Variants in THEM5 observed in about 807,000 individuals in gnomAD.
THEM5 encodes the protein thioesterase superfamily member 5.
In THEM5, 28 loss-of-function variants were observed where a neutral mutation model predicts 24.2. That is an observed-to-expected ratio of 1.16 (90% CI 0.86 to 1.59). THEM5 has a LOEUF of 1.59. Ranked by LOEUF, THEM5 falls within the 40% of genes most tolerant of loss-of-function variation. The pLI is 0.00. For missense variants in THEM5, 260 were observed against 296.8 expected, an observed-to-expected ratio of 0.88 and a Z score of 0.91; for synonymous variants, 87 against 114.5, an observed-to-expected ratio of 0.76 and a Z score of 1.53.
At chr1:151,849,079 G>C (rs1195911623) in intron 3 of THEM5, among the ~76,000 whole-genome samples, 1 of 152,058 alleles carries the variant, frequency 6.6e-6, no homozygotes, top group African/African-American at 2.4e-5. Context: ...AATTAGACGG[G>C]TGTGGTGGCA....
chr1:151,847,439 T>C (rs977159465), intron 5 of THEM5, 25 bp from the exon 6 acceptor site: 1 of 1,614,048 alleles, frequency 6.2e-7, no homozygotes, highest in Non-Finnish European at 8.5e-7. Flanking sequence ...TGAGTTGAGC[T>C]GCAAGAGCTG....
At chr1:151,851,741 C>T (rs1653133779) in intron 2 of THEM5, among the ~76,000 whole-genome samples, 1 of 152,134 alleles carries the variant, frequency 6.6e-6, no homozygotes, top group Non-Finnish European at 1.5e-5. Context: ...GTGAGAGAGA[C>T]AGGGAGATAC....
At position 151,847,108 on chromosome 1, in the gene THEM5, G is replaced by A. The variant is rs953104135; in HGVS notation, c.*263C>T. 4.2e-6 allele frequency: 3 copies of A among 713,984 alleles called. No homozygotes were observed. Among genetic ancestry groups the A allele is most frequent in the Non-Finnish European group, 7.8e-6 (3 of 384,240 alleles). The allele number at this position is 713,984 out of a possible 1,614,324, so 44.2% of individuals were successfully genotyped here. On this transcript the variant is annotated 3_prime_UTR_variant, in exon 6 of 6. Transcript: ENST00000368817. ...AAGGCCCTGGGCCGAGAATGGGACT[G>A]TGAGACTTTATTTACTCAGAGAAAA...
chr1:151,847,568 G>C (rs1339623623), intron 5 of THEM5, among the ~76,000 whole-genome samples, 154 bp from the exon 6 acceptor site: 1 of 152,066 alleles, frequency 6.6e-6, no homozygotes, highest in Non-Finnish European at 1.5e-5. Flanking sequence ...AAAAATCCTA[G>C]TTCTGCTCTC....
At chr1:151,850,714 A>G (rs1289814912) in intron 3 of THEM5, among the ~76,000 whole-genome samples, 1 of 152,214 alleles carries the variant, frequency 6.6e-6, no homozygotes, top group African/African-American at 2.4e-5. Context: ...AGAGTCCCAC[A>G]GCCAGCAGCA....
Position 151,847,777 on chromosome 1 carries a change from G to C in THEM5, c.661C>G (p.His221Asp). 1 of 1,613,916 alleles carries C rather than the reference G, an allele frequency of 6.2e-7. No individual in the cohort carries two copies. The highest frequency in any genetic ancestry group is 1.1e-5 in the South Asian group (1 of 91,060). Residue 221 changes from histidine (H) to aspartate (D), a missense_variant, in exon 5 of 6, where the codon CAC becomes GAC. By Grantham distance (81) the His-to-Asp change is moderately conservative (BLOSUM62 -1). Transcript: ENST00000368817. ...TAAACTGTCTGCTGGTCTCTGCTGT[G>C]GGCGATGCAGGACATGTAAAGCTTC... is the stretch of plus-strand genomic sequence containing the variant. ...DQKLYMSCIAHSRDQQTVYAK... is the reference protein window; with the variant it reads ...DQKLYMSCIADSRDQQTVYAK...
intron 4 of THEM5, 102 bp from the exon 5 acceptor site, chr1:151,847,964 G>A (rs1430084781): frequency 6.4e-7 from 1 of 1,560,478 alleles, no homozygotes; most frequent in Admixed American, 1.8e-5. Context: ...CCGGCCTCGA[G>A]GACTCAGAAG....
chr1:151,851,023 A>G (rs769293018), intron 3 of THEM5, 30 bp downstream of exon 3: 27 of 1,613,108 alleles, frequency 1.7e-5, no homozygotes, highest in Non-Finnish European at 2.2e-5. Context: ...CAAGCCCAGG[A>G]GGCAGCCAAG....
intron 3 of THEM5, among the ~76,000 whole-genome samples, chr1:151,850,747 A>G (rs1038225350): frequency 1.3e-5 from 2 of 152,170 alleles, no homozygotes; most frequent in Admixed American, 1.3e-4. Context: ...ACCAAGTCAG[A>G]GTCTAGATTC....
rs753923316 is a variant in THEM5 at position 151,851,176 on chromosome 1, C to A, written c.341G>T (p.Arg114Leu). The A allele has an allele frequency of 6.2e-7, 1 of 1,614,034 alleles. No individual in the cohort carries two copies. Among genetic ancestry groups the A allele is most frequent in the South Asian group, 1.1e-5 (1 of 91,086 alleles). ...CACTTGGATGCACCTGGTGAAGATG[C>A]GACAGTCACCTTTGTCTGGGGAGAG... ...LAVSSDKGDC[R>L]IFTRCIQVEG... Residue 114 changes from arginine (R) to leucine (L), a missense_variant, in exon 3 of 6, where the codon CGC (arginine) becomes CTC (leucine). Transcript: ENST00000368817.
chr1:151,850,169 T>G (rs1653068549), intron 3 of THEM5: 1 of 152,268 alleles, frequency 6.6e-6, no homozygotes, highest in Non-Finnish European at 1.5e-5. Context: ...TAACCCCAGT[T>G]AAGCCCCTCT....
chr1:151,848,135 T>A (rs759457246), intron 4 of THEM5, 47 bp downstream of exon 4: 23 of 1,589,094 alleles, frequency 1.4e-5, no homozygotes, highest in Non-Finnish European at 1.9e-5. Flanking sequence ...CTTCCAGGGA[T>A]GAAAAGGTCT....
At chr1:151,851,298 CAG>C in intron 2 of THEM5, 107 bp from the exon 3 acceptor site, 1 of 1,429,830 alleles carries the variant, frequency 7.0e-7, no homozygotes, top group Non-Finnish European at 9.7e-7. Flanking sequence ...GAGAGAAAAC[CAG>C]AGGACACCAG....
chr1:151,847,934 C>CT, intron 4 of THEM5, 72 bp from the exon 5 acceptor site: 1 of 1,599,320 alleles, frequency 6.3e-7, no homozygotes. Context: ...TCTGTGTCCT[C>CT]TTCCCTCTCT....
intron 5 of THEM5, 151 bp from the exon 6 acceptor site, chr1:151,847,565 C>G: frequency 7.2e-7 from 1 of 1,383,456 alleles, no homozygotes; most frequent in Non-Finnish European, 1.0e-6. Flanking sequence ...AAAAAAAATC[C>G]TAGTTCTGCT....
At chr1:151,847,666 T>C in intron 5 of THEM5, 72 bp downstream of exon 5, 1 of 1,587,750 alleles carries the variant, frequency 6.3e-7, no homozygotes, top group East Asian at 2.2e-5. Context: ...TGGCATCTTT[T>C]CTTCCTCCTG....
At chr1:151,851,003 C>A in intron 3 of THEM5, 50 bp downstream of exon 3, 1 of 1,609,428 alleles carries the variant, frequency 6.2e-7, no homozygotes. Context: ...CTGAACCTGC[C>A]CTGCTGAGCC....
chr1:151,849,737 T>G (rs1190900933), intron 3 of THEM5, among the ~76,000 whole-genome samples: 1 of 152,204 alleles, frequency 6.6e-6, no homozygotes, highest in African/African-American at 2.4e-5. Context: ...TCTCTCCTCC[T>G]TGTCCTCACT....
chr1:151,852,494 C>T, intron 1 of THEM5, 35 bp from the exon 2 acceptor site: 1 of 1,609,200 alleles, frequency 6.2e-7, no homozygotes, highest in African/African-American at 1.3e-5. Context: ...TAGACAGCAT[C>T]CTGGAGGGGG....
Sources: gnomAD v4.1 joint callset for allele counts (sites outside exome capture counted in the v4.1 genomes callset) on GRCh38, gnomAD v4.1.1 for gene constraint, MANE v1.5 for transcripts, NCBI Gene and HGNC (gene_info 2026-07-23, HGNC 2026-07-21) for gene names.